ADCY8: variants seen among roughly 807,000 people sequenced by gnomAD.
The protein encoded by ADCY8 is adenylate cyclase 8, also known as adenylate cyclase type 8.
In ADCY8, 51 loss-of-function variants were observed where a neutral mutation model predicts 119.7. That is an observed-to-expected ratio of 0.43 (90% CI 0.34 to 0.54). ADCY8 has a LOEUF of 0.54. Ranked by LOEUF, ADCY8 falls within the 20% of genes least tolerant of loss-of-function variation. The probability of loss-of-function intolerance (pLI) is 0.03; values close to 1 mark genes in which losing one functional copy is unlikely to be tolerated. For missense variants in ADCY8, 1,383 were observed against 1,598.8 expected, an observed-to-expected ratio of 0.87 and a Z score of 2.30; for synonymous variants, 665 against 651.0, an observed-to-expected ratio of 1.02 and a Z score of -0.33.
intron 12 of ADCY8, among the ~76,000 whole-genome samples, chr8:130,823,798 A>G (rs1816590746): frequency 6.6e-6 from 1 of 152,156 alleles, no homozygotes; most frequent in Non-Finnish European, 1.5e-5. Context: ...AAAATTTTGG[A>G]GTTAACTAAA....
At chr8:130,916,899 T>C (rs1046374997) in intron 5 of ADCY8, among the ~76,000 whole-genome samples, 10 of 152,206 alleles carry the variant, frequency 6.6e-5, no homozygotes, top group African/African-American at 2.4e-4. Context: ...ATTTCCCACT[T>C]CACACCTCTA....
chr8:131,023,880 C>A (rs1456741655), intron 1 of ADCY8, among the ~76,000 whole-genome samples: 1 of 152,150 alleles, frequency 6.6e-6, no homozygotes, highest in African/African-American at 2.4e-5. Context: ...TTTGTATAGA[C>A]CTTCCACAAA....
In ADCY8 at chr8:130,858,618, T is replaced by G. The variant is rs1166361472; in HGVS notation, c.2211-8815A>C. ...TGCCCCCTGTACATAGTTTACTCTT[T>G]GGAAGAAAGTCACTTTTGCTGTTGC... On this transcript the variant is annotated intron_variant, in intron 9 of 17. Transcript: ENST00000286355. Among the ~76,000 whole-genome samples, 3 of 152,146 alleles carry G rather than the reference T, an allele frequency of 2.0e-5. No individual in the cohort carries two copies. In the East Asian group the frequency reaches 5.8e-4, roughly 29 times the overall value.
At chr8:130,929,923 G>C (rs1178080230) in intron 5 of ADCY8, among the ~76,000 whole-genome samples, 1 of 152,134 alleles carries the variant, frequency 6.6e-6, no homozygotes, top group Admixed American at 6.5e-5. Flanking sequence ...TTAATGTAAA[G>C]TGTATTTTAT....
intron 12 of ADCY8, among the ~76,000 whole-genome samples, chr8:130,827,092 T>G (rs1816692050): frequency 6.6e-6 from 1 of 152,320 alleles, no homozygotes; most frequent in Middle Eastern, 3.4e-3. Flanking sequence ...AATTAAAATA[T>G]ATGTTCTTGA....
intron 13 of ADCY8, 36 bp downstream of exon 13, chr8:130,821,306 A>G (rs1441847439): frequency 7.7e-6 from 12 of 1,565,286 alleles, no homozygotes; most frequent in Non-Finnish European, 1.1e-5. Context: ...AAGAAATGTC[A>G]GGTAACAGAG....
At chr8:130,928,095 A>G (rs1176693702) in intron 5 of ADCY8, among the ~76,000 whole-genome samples, 1 of 152,056 alleles carries the variant, frequency 6.6e-6, no homozygotes. Context: ...GTCAATTTGA[A>G]GAACCAAAGC....
chr8:130,899,350 A>G (rs1257370746), intron 7 of ADCY8, among the ~76,000 whole-genome samples: 1 of 152,166 alleles, frequency 6.6e-6, no homozygotes, highest in Non-Finnish European at 1.5e-5. Context: ...TCAAGCCTGT[A>G]ATCCCAGAAC....
rs868715058 is a variant in ADCY8, at chr8:131,039,525, C to A, written c.809G>T (p.Gly270Val). 1.2e-6 allele frequency: 2 copies of A among 1,613,696 alleles called. No individual in the cohort carries two copies. Among genetic ancestry groups the A allele is most frequent in the Non-Finnish European group, 1.7e-6 (2 of 1,180,026 alleles). The change falls in exon 1 of 18, where the codon GGC becomes GTC. Residue 270 changes from glycine (G) to valine (V), a missense_variant. Physicochemically the swap from Gly to Val is moderately radical, Grantham distance 109. Transcript: ENST00000286355. ...AGLGYGLLGD[G>V]IGYVLFTLFA... is the part of the protein sequence containing the mutation. The stretch of plus-strand genomic sequence containing the variant: ...GAGCGTGAAGAGCACGTAGCCTATG[C>A]CGTCGCCCAGGAGCCCGTAGCCGAG...
chr8:130,810,760 A>T (rs940882174), intron 14 of ADCY8, among the ~76,000 whole-genome samples: 1 of 152,212 alleles, frequency 6.6e-6, no homozygotes, highest in Non-Finnish European at 1.5e-5. Flanking sequence ...AATCCTGACA[A>T]GATGTCTTAT....
chr8:131,033,586 A>G (rs925099618), intron 1 of ADCY8, among the ~76,000 whole-genome samples: 7 of 152,080 alleles, frequency 4.6e-5, no homozygotes, highest in African/African-American at 1.2e-4. Context: ...TCATAATTCA[A>G]TCTTGCAAAG....
chr8:131,039,372 A>T lies in ADCY8; in HGVS notation c.960+2T>A. 1.2e-6 allele frequency: 2 copies of T among 1,612,046 alleles called. No homozygotes were observed. The highest frequency in any genetic ancestry group is 1.7e-6 in the Non-Finnish European group (2 of 1,178,408). Reference sequence around the variant, plus strand: ...AACAAATGCAAGGCAGGCAGGAGTTACCTGGTTGATGGAAATGACCGCCAG... The same window carrying T: ...AACAAATGCAAGGCAGGCAGGAGTTTCCTGGTTGATGGAAATGACCGCCAG... On this transcript the variant is annotated splice_donor_variant, in intron 1 of 17. Transcript: ENST00000286355. LOFTEE classifies it high-confidence loss of function.
intron 9 of ADCY8, among the ~76,000 whole-genome samples, chr8:130,866,425 A>G (rs746123146): frequency 5.3e-5 from 8 of 152,150 alleles, no homozygotes; most frequent in Non-Finnish European, 1.0e-4. Flanking sequence ...TCTTTAACAT[A>G]GTTATGAACA....
chr8:130,980,296 T>G (rs1822200814), intron 2 of ADCY8, among the ~76,000 whole-genome samples: 1 of 152,192 alleles, frequency 6.6e-6, no homozygotes, highest in Non-Finnish European at 1.5e-5. Context: ...GATCACATTT[T>G]GAGGTTCGGG....
chr8:130,817,462 C>T (rs895570674), intron 13 of ADCY8, among the ~76,000 whole-genome samples: 3 of 152,228 alleles, frequency 2.0e-5, no homozygotes, highest in African/African-American at 7.2e-5. Context: ...ATTTTAGGTA[C>T]TTTTAATTAT....
chr8:130,844,358 G>A (rs1022827540), intron 11 of ADCY8, among the ~76,000 whole-genome samples: 5 of 152,006 alleles, frequency 3.3e-5, no homozygotes, highest in African/African-American at 7.3e-5. Context: ...CTCTTTTTTA[G>A]CATCTGACAA....
At chr8:130,876,477 G>A (rs1176467564) in intron 8 of ADCY8, among the ~76,000 whole-genome samples, 3 of 69,444 alleles carry the variant, frequency 4.3e-5, no homozygotes, top group Admixed American at 2.9e-4. Context: ...ACGGTGGTTC[G>A]AGGACTCATC....
intron 1 of ADCY8, among the ~76,000 whole-genome samples, chr8:131,021,713 C>G (rs146174861): frequency 0.014 from 2,091 of 152,232 alleles, 32 homozygotes; most frequent in African/African-American, 0.029. Flanking sequence ...TTGCTTGGCA[C>G]TTCTCCTTGC....
intron 8 of ADCY8, among the ~76,000 whole-genome samples, chr8:130,878,134 G>A (rs916453855): frequency 6.6e-6 from 1 of 152,192 alleles, no homozygotes; most frequent in Non-Finnish European, 1.5e-5. Flanking sequence ...CAAGCCCCTT[G>A]CTTTGTATCA....
Sources: allele counts gnomAD v4.1 joint callset (sites outside exome capture counted in the v4.1 genomes callset), GRCh38; gene constraint gnomAD v4.1.1; transcripts MANE v1.5; gene names NCBI Gene and HGNC (gene_info 2026-07-23, HGNC 2026-07-21).